The following ARHGEF6 variants were observed in gnomAD, a reference collection of about 807,000 sequenced individuals.
The protein encoded by ARHGEF6 is rho guanine nucleotide exchange factor 6.
Under a neutral mutation model 70.3 loss-of-function variants are expected in ARHGEF6, and 9 were observed. The observed-to-expected ratio is 0.13, with a 90% confidence interval of 0.08 to 0.22. The LOEUF (loss-of-function observed/expected upper bound fraction) is 0.22, where lower values mean the gene tolerates loss of function less well. ARHGEF6 is among the 10% of genes least tolerant of loss of function. The pLI is 1.00. For synonymous variants in ARHGEF6, 201 were observed against 207.8 expected (o/e 0.97, Z 0.28); for missense variants, 470 against 563.0 (o/e 0.83, Z 1.67).
chrX:136,760,851 G>C (rs1296105549), intron 2 of ARHGEF6, among the ~76,000 whole-genome samples: 2 of 111,755 alleles, frequency 1.8e-5, no homozygotes, highest in Admixed American at 1.9e-4. Flanking sequence ...AAAATTTCAA[G>C]CTATTTTAAT....
chrX:136,734,937 G>GA (rs2076971234), intron 5 of ARHGEF6, among the ~76,000 whole-genome samples: 1 of 110,500 alleles, frequency 9.0e-6, no homozygotes, highest in African/African-American at 3.3e-5. Context: ...ACACCTATTC[G>GA]AAAAAAAATA....
intron 6 of ARHGEF6, among the ~76,000 whole-genome samples, chrX:136,727,830 G>A (rs1338406929): frequency 9.0e-6 from 1 of 110,845 alleles, no homozygotes; most frequent in Non-Finnish European, 1.9e-5. Flanking sequence ...CACCACACCC[G>A]TATGTCTGTA....
chrX:136,729,010 CT>C (rs1421871377), intron 6 of ARHGEF6, among the ~76,000 whole-genome samples: 131 of 55,389 alleles, frequency 2.4e-3, no homozygotes, highest in Non-Finnish European at 2.7e-3. Flanking sequence ...TTCTCTCTCT[CT>C]CTCTCTCTCT....
Position 136,678,881 on chromosome X carries a change from G to A in ARHGEF6, c.1830+654C>T, listed in dbSNP as rs779715969. Among the ~76,000 whole-genome samples, 22 of 111,192 alleles carry A rather than the reference G, an allele frequency of 2.0e-4. 1 individual carries two copies. In the South Asian group the frequency reaches 6.9e-3, roughly 35 times the overall value. ...TAGGGATAAAGCCACTGTTTGGATG[G>A]AAAAGTAATACTCCACACAGTTACA... On this transcript the variant is annotated intron_variant, in intron 16 of 21. Coordinates refer to ENST00000250617, the MANE Select transcript of ARHGEF6 (RefSeq NM_004840.3).
At chrX:136,747,378 G>A (rs1040439283) in intron 3 of ARHGEF6, 130 bp downstream of exon 3, 3 of 552,147 alleles carry the variant, frequency 5.4e-6, no homozygotes. Context: ...TTGTTGGGGT[G>A]TATTTGGGGG....
chrX:136,692,459 T>C (rs183983525), intron 9 of ARHGEF6, among the ~76,000 whole-genome samples: 44 of 111,566 alleles, frequency 3.9e-4, no homozygotes, highest in Non-Finnish European at 2.1e-4. Context: ...GGAAATGTCC[T>C]AGACTTGGAG....
At chrX:136,754,781 T>C (rs190103945) in intron 2 of ARHGEF6, among the ~76,000 whole-genome samples, 3 of 111,217 alleles carry the variant, frequency 2.7e-5, no homozygotes, top group Non-Finnish European at 1.9e-5. Flanking sequence ...CAGCCAGCCA[T>C]TGTGGCTTGG....
At chrX:136,749,838 C>G (rs904471860) in intron 2 of ARHGEF6, among the ~76,000 whole-genome samples, 2 of 111,671 alleles carry the variant, frequency 1.8e-5, no homozygotes, top group African/African-American at 6.5e-5. Context: ...AAAGCAACGC[C>G]TAAGCATTAT....
chrX:136,691,432 A>T (rs1037483075), intron 9 of ARHGEF6, among the ~76,000 whole-genome samples: 6 of 112,366 alleles, frequency 5.3e-5, no homozygotes, highest in African/African-American at 1.9e-4. Flanking sequence ...ATTCTAAGCC[A>T]GTGCTTTTTC....
At chrX:136,759,998 T>G (rs775038450) in intron 2 of ARHGEF6, among the ~76,000 whole-genome samples, 33 of 112,138 alleles carry the variant, frequency 2.9e-4, no homozygotes, top group Admixed American at 2.8e-4. Context: ...ATACATCTCT[T>G]TGTGTGATAA....
In ARHGEF6 at chrX:136,668,293, A is replaced by G. The variant is rs1217212882; in HGVS notation, c.2191-124T>C. 7 of 849,159 alleles carry G rather than the reference A, an allele frequency of 8.2e-6. No homozygotes were observed. The East Asian group carries it at 2.2e-4, about 27-fold the overall frequency. The allele number at this position is 849,159 out of a possible 1,213,427, so 70.0% of individuals were successfully genotyped here. A position where few individuals can be genotyped will look rare whatever the true frequency, so the allele number is the denominator to read the frequency against. ...TTCTTTCCTCGACCTTCCCTCCCTC[A>G]GCATCTATGACAAAGCAGCCTGTCG... On this transcript the variant is annotated intron_variant, in intron 21 of 21. Coordinates refer to ENST00000250617, the MANE Select transcript of ARHGEF6 (RefSeq NM_004840.3).
intron 9 of ARHGEF6, among the ~76,000 whole-genome samples, chrX:136,704,655 A>G (rs959903344): frequency 8.9e-6 from 1 of 111,828 alleles, no homozygotes; most frequent in African/African-American, 3.3e-5. Context: ...CGACGGGGGA[A>G]GAGCCCCTTA....
At chrX:136,672,197 T>C in intron 19 of ARHGEF6, 78 bp from the exon 20 acceptor site, 3 of 766,775 alleles carry the variant, frequency 3.9e-6, no homozygotes, top group Admixed American at 4.4e-5. Flanking sequence ...TTAGTTCTTT[T>C]CCACTATTGT....
At chrX:136,717,253 A>C (rs2076745909) in intron 6 of ARHGEF6, among the ~76,000 whole-genome samples, 1 of 112,480 alleles carries the variant, frequency 8.9e-6, no homozygotes, top group African/African-American at 3.2e-5. Flanking sequence ...CAGAAGTTCA[A>C]ATAAAAGTTA....
In ARHGEF6 at chrX:136,770,368, A is replaced by AAAAAC. The variant is rs1253608533; in HGVS notation, c.249+9041_249+9045dup. Among the ~76,000 whole-genome samples the AAAAAC allele has an allele frequency of 6.2e-5, 7 of 112,559 alleles. No homozygotes were observed. The East Asian group carries it at 1.9e-3, about 31-fold the overall frequency. On this transcript the variant is annotated intron_variant, in intron 2 of 21. Coordinates refer to ENST00000250617, the MANE Select transcript of ARHGEF6 (RefSeq NM_004840.3). The stretch of plus-strand genomic sequence containing the variant: ...ACAAAATCCAACTCTTTTCATGATA[A>AAAAAC]AAAACAAAACAAAACACTTATAACA...
intron 2 of ARHGEF6, chrX:136,767,448 G>A (rs2077328069): frequency 4.0e-6 from 3 of 755,108 alleles, no homozygotes; most frequent in Non-Finnish European, 4.7e-6. Context: ...TGCCGCGCCC[G>A]CAACCTCTCC....
Position 136,674,994 on chromosome X carries a change from T to C in ARHGEF6, c.2035+13A>G. ...ACGTCACTCACTAGAGAAAGTAGTT[T>C]GGGGGAACCTACTTGAGCCATGGCC... On this transcript the variant is annotated intron_variant, in intron 19 of 21. Transcript: ENST00000250617. 8.3e-7 allele frequency: 1 copy of C among 1,199,097 alleles called. No homozygotes were observed. The highest frequency in any genetic ancestry group is 1.1e-6 in the Non-Finnish European group (1 of 884,010).
intron 6 of ARHGEF6, among the ~76,000 whole-genome samples, chrX:136,727,375 TTC>T (rs2076872132): frequency 1.6e-5 from 1 of 61,351 alleles, no homozygotes; most frequent in Admixed American, 2.1e-4. Flanking sequence ...CTTTCTTTCT[TTC>T]TTTCTTTCTT....
At chrX:136,698,628 G>A (rs1392685002) in intron 9 of ARHGEF6, among the ~76,000 whole-genome samples, 1 of 111,861 alleles carries the variant, frequency 8.9e-6, no homozygotes, top group Non-Finnish European at 1.9e-5. Flanking sequence ...GAAAGAAACA[G>A]AACTGCCAAC....
Sources: allele counts gnomAD v4.1 joint callset (sites outside exome capture counted in the v4.1 genomes callset), GRCh38; gene constraint gnomAD v4.1.1; transcripts MANE v1.5; gene names NCBI Gene and HGNC (gene_info 2026-07-23, HGNC 2026-07-21).